FGF13: variants seen among roughly 807,000 people sequenced by gnomAD.
The protein encoded by FGF13 is fibroblast growth factor homologous factor 2.
In FGF13, 2 loss-of-function variants were observed where a neutral mutation model predicts 19.5. The ratio of observed to expected loss-of-function variants is 0.10; its 90% CI spans 0.04 to 0.32. The LOEUF (loss-of-function observed/expected upper bound fraction) is 0.32. Ranked by LOEUF, FGF13 falls within the 10% of genes least tolerant of loss-of-function variation. The pLI is 1.00. For missense variants in FGF13, 113 were observed against 192.7 expected (o/e 0.59, Z 2.45); for synonymous variants, 72 against 76.9 (o/e 0.94, Z 0.33).
intron 1 of FGF13, among the ~76,000 whole-genome samples, chrX:138,881,718 T>C (rs2091425991): frequency 8.9e-6 from 1 of 111,957 alleles, no homozygotes. Flanking sequence ...TTATCCTCTT[T>C]ATATTTATAT....
At chrX:139,189,798 C>T (rs1334956355) in intron 1 of FGF13, among the ~76,000 whole-genome samples, 2 of 111,826 alleles carry the variant, frequency 1.8e-5, no homozygotes, top group Non-Finnish European at 3.8e-5. Context: ...CTTAACACTA[C>T]TGATCTGTAC....
At chrX:139,040,276 C>T (rs1041503705) in intron 1 of FGF13, among the ~76,000 whole-genome samples, 2 of 111,974 alleles carry the variant, frequency 1.8e-5, no homozygotes, top group African/African-American at 3.2e-5. Context: ...CATCTAATCA[C>T]TGTAGTAACT....
chrX:138,823,464 T>G (rs1335286780), intron 3 of FGF13, among the ~76,000 whole-genome samples: 2 of 111,100 alleles, frequency 1.8e-5, no homozygotes, highest in African/African-American at 3.3e-5. Context: ...GTTTCCCCTT[T>G]TTTTTCCTTT....
At chrX:138,917,649 G>A (rs2091624169) in intron 1 of FGF13, among the ~76,000 whole-genome samples, 1 of 112,028 alleles carries the variant, frequency 8.9e-6, no homozygotes, top group South Asian at 3.7e-4. Context: ...TTGGACAATT[G>A]CTTCAAGTTC....
At chrX:139,196,247 A>G (rs185896327) in intron 1 of FGF13, among the ~76,000 whole-genome samples, 3 of 112,294 alleles carry the variant, frequency 2.7e-5, no homozygotes, top group South Asian at 3.7e-4. Context: ...CACAGGTGAA[A>G]CAAGGTCTCA....
chrX:138,706,887 A>G, intron 2 of FGF13, among the ~76,000 whole-genome samples: 1 of 112,246 alleles, frequency 8.9e-6, no homozygotes, highest in Non-Finnish European at 1.9e-5. Context: ...TGCTATTTCT[A>G]TTGAGATACT....
chrX:139,058,136 C>T (rs944516623), intron 1 of FGF13, among the ~76,000 whole-genome samples: 1 of 111,590 alleles, frequency 9.0e-6, no homozygotes, highest in Middle Eastern at 4.2e-3. Context: ...CAAATACCTG[C>T]ATCGTCTTGA....
At chrX:138,902,044 G>A (rs2091534039) in intron 1 of FGF13, among the ~76,000 whole-genome samples, 1 of 112,342 alleles carries the variant, frequency 8.9e-6, no homozygotes, top group Non-Finnish European at 1.9e-5. Flanking sequence ...AGTATTGGGA[G>A]GAGAGTAGAG....
At chrX:139,040,176 TC>T (rs1302242046) in intron 1 of FGF13, among the ~76,000 whole-genome samples, 1 of 112,173 alleles carries the variant, frequency 8.9e-6, no homozygotes, top group African/African-American at 3.2e-5. Context: ...CTATCATTAG[TC>T]TGTTTTCACA....
chrX:138,690,538 A>C (rs1474135976), intron 3 of FGF13, among the ~76,000 whole-genome samples: 1 of 109,577 alleles, frequency 9.1e-6, no homozygotes, highest in Non-Finnish European at 1.9e-5. Flanking sequence ...TTTCTGAGTC[A>C]CACATATATA....
At chrX:138,812,746 A>T (rs749920924) in intron 3 of FGF13, among the ~76,000 whole-genome samples, 1 of 111,770 alleles carries the variant, frequency 8.9e-6, no homozygotes, top group Non-Finnish European at 1.9e-5. Flanking sequence ...AAAAAATGGG[A>T]TACATGTGCA....
At chrX:138,982,047 G>T (rs778795694) in intron 1 of FGF13, among the ~76,000 whole-genome samples, 1 of 111,780 alleles carries the variant, frequency 8.9e-6, no homozygotes, top group African/African-American at 3.2e-5. Context: ...AACTAACAGC[G>T]GAGGACATGA....
At chrX:138,895,706 A>C (rs2091500747) in intron 1 of FGF13, among the ~76,000 whole-genome samples, 1 of 112,229 alleles carries the variant, frequency 8.9e-6, no homozygotes, top group Non-Finnish European at 1.9e-5. Flanking sequence ...CTTCAGTCCC[A>C]AGTTCATTGC....
intron 1 of FGF13, among the ~76,000 whole-genome samples, chrX:138,923,557 A>T (rs1305712165): frequency 8.9e-6 from 1 of 111,855 alleles, no homozygotes; most frequent in Non-Finnish European, 1.9e-5. Flanking sequence ...ATTTTCACTG[A>T]ATGAATGCAG....
At position 138,819,980 on chromosome X, in the gene FGF13, A is replaced by G. The variant is rs752799708; in HGVS notation, c.217+37532T>C. Reference sequence around the variant, plus strand: ...AAAGATCAAGCCAAGACTTGAGTTCACAGCTTCCATTATGTAATTGTGTAT... The same window carrying G: ...AAAGATCAAGCCAAGACTTGAGTTCGCAGCTTCCATTATGTAATTGTGTAT... On this transcript the variant is annotated intron_variant, in intron 3 of 6. Coordinates refer to the FGF13 transcript ENST00000436198. 6.3e-5 allele frequency among the ~76,000 whole-genome samples: 7 copies of G among 111,562 alleles called. No homozygotes were observed. The East Asian group carries it at 2.0e-3, about 32-fold the overall frequency.
At chrX:138,879,475 T>C (rs1426556141) in intron 1 of FGF13, among the ~76,000 whole-genome samples, 3 of 111,913 alleles carry the variant, frequency 2.7e-5, no homozygotes, top group Non-Finnish European at 5.6e-5. Context: ...TTCTAAGAGT[T>C]TTATGGTTTT....
chrX:138,946,744 C>A (rs2091783576), intron 1 of FGF13, among the ~76,000 whole-genome samples: 1 of 111,675 alleles, frequency 9.0e-6, no homozygotes, highest in Non-Finnish European at 1.9e-5. Flanking sequence ...TGTCACAGGA[C>A]CCAATACCCA....
intron 1 of FGF13, among the ~76,000 whole-genome samples, chrX:139,174,925 C>G (rs1428294144): frequency 1.8e-5 from 2 of 111,717 alleles, no homozygotes; most frequent in African/African-American, 6.5e-5. Flanking sequence ...TTTTCTAATT[C>G]TGTGAAGAAA....
At chrX:138,812,752 G>A (rs2124041695) in intron 3 of FGF13, among the ~76,000 whole-genome samples, 1 of 111,552 alleles carries the variant, frequency 9.0e-6, no homozygotes, top group Non-Finnish European at 1.9e-5. Context: ...TGGGATACAT[G>A]TGCAGAACGT....
Sources: gnomAD v4.1 joint callset for allele counts (sites outside exome capture counted in the v4.1 genomes callset) on GRCh38, gnomAD v4.1.1 for gene constraint, MANE v1.5 for transcripts, NCBI Gene and HGNC (gene_info 2026-07-23, HGNC 2026-07-21) for gene names.